The following SLC9C1 variants were observed in gnomAD, a reference collection of about 807,000 sequenced individuals.
The protein encoded by SLC9C1 is sodium/hydrogen exchanger 10.
In SLC9C1, 97 loss-of-function variants were observed where a neutral mutation model predicts 140.9. The ratio of observed to expected loss-of-function variants is 0.69; its 90% confidence interval spans 0.58 to 0.82. The LOEUF is 0.82. Among genes scored for constraint, SLC9C1 ranks in the 40% least tolerant of loss-of-function variants. The pLI, the probability that SLC9C1 is intolerant of heterozygous loss-of-function variation, is 0.00. For synonymous variants in SLC9C1, 440 were observed against 442.6 expected (o/e 0.99, Z 0.07); for missense variants, 1,340 against 1,389.3 (o/e 0.96, Z 0.56).
chr3:112,288,663 G>T (rs1290431641), intron 1 of SLC9C1, among the ~76,000 whole-genome samples: 1 of 152,122 alleles, frequency 6.6e-6, no homozygotes, highest in Non-Finnish European at 1.5e-5. Flanking sequence ...CTGAGGGGGT[G>T]GTGGGACATT....
At chr3:112,198,630 A>T (rs540904488) in intron 20 of SLC9C1, among the ~76,000 whole-genome samples, 1 of 151,892 alleles carries the variant, frequency 6.6e-6, no homozygotes, top group Non-Finnish European at 1.5e-5. Context: ...AACATTCTTA[A>T]TGAGGGTTAA....
rs182940886 is a variant in SLC9C1, at chr3:112,189,453, G to A, written c.2524-7195C>T. On this transcript the variant is annotated intron_variant, in intron 20 of 28. Coordinates refer to ENST00000305815, the MANE Select transcript of SLC9C1 (RefSeq NM_183061.3). ...AGTTTCAGCTTTCTACATATGGCCA[G>A]CCAGTTTTCCCAGCACCATTTATTA... is the stretch of plus-strand genomic sequence containing the variant. Among the ~76,000 whole-genome samples, 1,103 of 152,304 alleles carry A rather than the reference G, an allele frequency of 7.2e-3. 21 individuals are homozygous for A. Among genetic ancestry groups the A allele is most frequent in the African/African-American group, 0.025 (1,055 of 41,572 alleles).
At position 112,208,364 on chromosome 3, in the gene SLC9C1, AAAG is replaced by A. The variant is rs2078113303; in HGVS notation, c.1797_1799del (p.Phe601del). ...ATACTATTGTATGGCATATACGAAA[AAAG>A]AAGTATCTGTAAAACAAAAAGACAG... On this transcript the variant is annotated inframe_deletion, in exon 16 of 29. Transcript: ENST00000305815. 8 of 1,546,730 alleles carry A rather than the reference AAAG, an allele frequency of 5.2e-6. No homozygotes were observed. Among genetic ancestry groups the A allele is most frequent in the Non-Finnish European group, 7.0e-6 (8 of 1,148,174 alleles).
At chr3:112,255,526 C>T (rs2079580830) in intron 10 of SLC9C1, among the ~76,000 whole-genome samples, 2 of 151,932 alleles carry the variant, frequency 1.3e-5, no homozygotes. Flanking sequence ...AGAAGTTCTT[C>T]AAAACTAATA....
At chr3:112,212,883 C>G (rs1000180218) in intron 15 of SLC9C1, among the ~76,000 whole-genome samples, 4 of 152,130 alleles carry the variant, frequency 2.6e-5, no homozygotes, top group African/African-American at 7.2e-5. Context: ...TCAAGAAGAA[C>G]AACCCCAAGA....
intron 26 of SLC9C1, among the ~76,000 whole-genome samples, chr3:112,159,359 G>A (rs2107878782): frequency 6.6e-6 from 1 of 151,714 alleles, no homozygotes; most frequent in South Asian, 2.1e-4. Context: ...TTATCCCATT[G>A]GGGTCAGTTT....
intron 20 of SLC9C1, among the ~76,000 whole-genome samples, chr3:112,189,784 C>G (rs1418571654): frequency 6.6e-6 from 1 of 152,096 alleles, no homozygotes; most frequent in Non-Finnish European, 1.5e-5. Context: ...TTATTGGTAG[C>G]TTGATGGGCA....
At chr3:112,204,485 G>A in intron 16 of SLC9C1, 82 bp from the exon 17 acceptor site, 1 of 1,427,156 alleles carries the variant, frequency 7.0e-7, no homozygotes. Flanking sequence ...TAAACATCAT[G>A]TTAGGCTTTT....
At chr3:112,239,392 C>G (rs1445296760) in intron 12 of SLC9C1, among the ~76,000 whole-genome samples, 3 of 152,242 alleles carry the variant, frequency 2.0e-5, no homozygotes, top group Non-Finnish European at 2.9e-5. Context: ...TCCCTGACCC[C>G]TTGCGCTTCC....
chr3:112,202,215 G>A, intron 18 of SLC9C1, 35 bp downstream of exon 18: 3 of 1,606,256 alleles, frequency 1.9e-6, no homozygotes, highest in Non-Finnish European at 2.5e-6. Flanking sequence ...TGAGGGCTGA[G>A]TGAACTCTTT....
chr3:112,267,575 C>CAAA (rs71933510), intron 7 of SLC9C1, among the ~76,000 whole-genome samples: 1,306 of 56,780 alleles, frequency 0.023, 87 homozygotes, highest in East Asian at 0.088. Flanking sequence ...GACTCCGTCT[C>CAAA]AAAAAAAAAA....
chr3:112,275,901 T>C (rs1418580685), intron 5 of SLC9C1, among the ~76,000 whole-genome samples: 1 of 137,146 alleles, frequency 7.3e-6, no homozygotes, highest in Non-Finnish European at 1.6e-5. Context: ...TTTATGAGAC[T>C]CGATGAGAGC....
chr3:112,254,653 GACTAGT>G (rs2079553672), intron 10 of SLC9C1, among the ~76,000 whole-genome samples: 1 of 152,006 alleles, frequency 6.6e-6, no homozygotes, highest in Non-Finnish European at 1.5e-5. Context: ...TAAATACATA[GACTAGT>G]GACACAATAA....
intron 7 of SLC9C1, 116 bp downstream of exon 7, chr3:112,269,800 T>A (rs1405575437): frequency 1.4e-6 from 1 of 733,308 alleles, no homozygotes; most frequent in East Asian, 3.3e-5. Context: ...AATAAAAATA[T>A]TCTGTCTAGA....
intron 15 of SLC9C1, among the ~76,000 whole-genome samples, chr3:112,212,212 C>T (rs532147692): frequency 1.1e-4 from 17 of 152,236 alleles, no homozygotes; most frequent in Admixed American, 8.5e-4. Context: ...CTGTACGTCA[C>T]CATCATCAAA....
At chr3:112,197,376 C>T (rs1056123425) in intron 20 of SLC9C1, among the ~76,000 whole-genome samples, 1 of 152,126 alleles carries the variant, frequency 6.6e-6, no homozygotes, top group African/African-American at 2.4e-5. Flanking sequence ...TCTTTGCCTT[C>T]TCTGATTAGA....
intron 26 of SLC9C1, among the ~76,000 whole-genome samples, chr3:112,162,806 C>T (rs2107892895): frequency 7.9e-6 from 1 of 126,302 alleles, no homozygotes; most frequent in East Asian, 2.4e-4. Context: ...AGGGAGGATT[C>T]CCTCTTTTTC....
At chr3:112,146,484 G>A (rs561563174) in intron 28 of SLC9C1, among the ~76,000 whole-genome samples, 24 of 152,226 alleles carry the variant, frequency 1.6e-4, no homozygotes, top group Admixed American at 5.2e-4. Flanking sequence ...TGGTTTTGCT[G>A]TATCCCAGAG....
chr3:112,183,349 CTT>C (rs200437815), intron 20 of SLC9C1, among the ~76,000 whole-genome samples: 1,161 of 95,354 alleles, frequency 0.012, 64 homozygotes, highest in African/African-American at 0.052. Context: ...AGCACCTTTT[CTT>C]TTTTTTTTTT....
Sources: gnomAD v4.1 joint callset for allele counts (sites outside exome capture counted in the v4.1 genomes callset) on GRCh38, gnomAD v4.1.1 for gene constraint, MANE v1.5 for transcripts, NCBI Gene and HGNC (gene_info 2026-07-23, HGNC 2026-07-21) for gene names.